SNAP25: variants seen among roughly 807,000 people sequenced by gnomAD.
SNAP25 encodes the protein synaptosome associated protein 25, also known as synaptosomal-associated protein 25.
SNAP25 carries 3 observed loss-of-function variants against 28.7 expected under a neutral mutation model. The ratio of observed to expected loss-of-function variants is 0.10; its 90% CI spans 0.05 to 0.27. The LOEUF (loss-of-function observed/expected upper bound fraction) is 0.27, where lower values mean the gene tolerates loss of function less well. Among genes scored for constraint, SNAP25 ranks in the 10% least tolerant of loss-of-function variants. The pLI is 1.00. For missense variants in SNAP25, 117 were observed against 278.7 expected, an observed-to-expected ratio of 0.42 and a Z score of 4.13; for synonymous variants, 61 against 88.1, an observed-to-expected ratio of 0.69 and a Z score of 1.72.
At chr20:10,273,897 G>A (rs565746993) in intron 1 of SNAP25, among the ~76,000 whole-genome samples, 6 of 152,206 alleles carry the variant, frequency 3.9e-5, no homozygotes, top group South Asian at 4.2e-4. Context: ...CCTTCCCTTC[G>A]ATGGCCTGGG....
intron 1 of SNAP25, among the ~76,000 whole-genome samples, chr20:10,230,111 G>C (rs979775259): frequency 5.3e-5 from 8 of 152,118 alleles, no homozygotes; most frequent in African/African-American, 1.9e-4. Context: ...CCTGCTTCCA[G>C]AAACTTGCAA....
chr20:10,300,065 C>T (rs2064198041), intron 7 of SNAP25, among the ~76,000 whole-genome samples: 1 of 151,972 alleles, frequency 6.6e-6, no homozygotes, highest in African/African-American at 2.4e-5. Context: ...TTCACATCCC[C>T]AGTTCTAAAA....
intron 1 of SNAP25, among the ~76,000 whole-genome samples, chr20:10,226,314 A>T (rs776130128): frequency 7.9e-5 from 12 of 152,186 alleles, no homozygotes; most frequent in Non-Finnish European, 1.5e-4. Flanking sequence ...GGGAAAGTCC[A>T]TTCCTAATTT....
At chr20:10,294,902 T>C (rs1207278232) in intron 5 of SNAP25, among the ~76,000 whole-genome samples, 1 of 152,246 alleles carries the variant, frequency 6.6e-6, no homozygotes, top group South Asian at 2.1e-4. Context: ...CATTTCATGA[T>C]AAATTCCAAC....
chr20:10,287,672 G>T (rs2063910041), intron 4 of SNAP25, among the ~76,000 whole-genome samples: 1 of 149,154 alleles, frequency 6.7e-6, no homozygotes, highest in African/African-American at 2.5e-5. Flanking sequence ...TATACCCAAA[G>T]GACTATAAAT....
chr20:10,265,121 TTTTGA>T (rs1214329988), intron 1 of SNAP25, among the ~76,000 whole-genome samples: 113 of 152,250 alleles, frequency 7.4e-4, no homozygotes, highest in African/African-American at 2.5e-3. Context: ...AAATATAATC[TTTTGA>T]TTTAAGTAGG....
intron 1 of SNAP25, among the ~76,000 whole-genome samples, chr20:10,247,420 C>T (rs964657867): frequency 6.6e-6 from 1 of 152,170 alleles, no homozygotes; most frequent in African/African-American, 2.4e-5. Context: ...CTTCAGTATT[C>T]CCTTTTAGAC....
At chr20:10,242,214 A>C (rs974319401) in intron 1 of SNAP25, among the ~76,000 whole-genome samples, 1 of 152,178 alleles carries the variant, frequency 6.6e-6, no homozygotes, top group Non-Finnish European at 1.5e-5. Context: ...TGAGGGGGAA[A>C]GAATGGGGCG....
At chr20:10,253,947 A>C (rs866214607) in intron 1 of SNAP25, among the ~76,000 whole-genome samples, 2 of 152,124 alleles carry the variant, frequency 1.3e-5, no homozygotes, top group African/African-American at 4.8e-5. Flanking sequence ...CCTACGCAGG[A>C]TGTGCCCTCC....
intron 5 of SNAP25, among the ~76,000 whole-genome samples, chr20:10,294,837 GA>G (rs1367941146): frequency 1.3e-5 from 2 of 149,498 alleles, no homozygotes; most frequent in African/African-American, 4.9e-5. Context: ...AGTTAGTCAA[GA>G]TTTGACTGTA....
In SNAP25 at chr20:10,306,424, C is replaced by G. The variant is rs529597023; in HGVS notation, c.*227C>G. 3.0e-5 allele frequency: 13 copies of G among 435,106 alleles called. No individual in the cohort carries two copies. In the South Asian group the frequency reaches 3.3e-4, roughly 11 times the overall value. The allele number at this position is 435,106 out of a possible 1,614,324, so 27.0% of individuals were successfully genotyped here. On this transcript the variant is annotated 3_prime_UTR_variant, in exon 8 of 8. Coordinates refer to ENST00000254976, the MANE Select transcript of SNAP25 (RefSeq NM_130811.4). The stretch of plus-strand genomic sequence containing the variant: ...TGTACATAGTGGTCATTTGGTGGCT[C>G]TAACTCCTTGAGGTCTTGAGTTTCA...
At chr20:10,264,057 C>T (rs957817032) in intron 1 of SNAP25, among the ~76,000 whole-genome samples, 2 of 152,104 alleles carry the variant, frequency 1.3e-5, no homozygotes, top group African/African-American at 4.8e-5. Flanking sequence ...TTGGCATTTT[C>T]GAAAAAGAGA....
At chr20:10,253,865 C>A (rs983537047) in intron 1 of SNAP25, among the ~76,000 whole-genome samples, 15 of 152,130 alleles carry the variant, frequency 9.9e-5, no homozygotes, top group African/African-American at 3.6e-4. Context: ...TGTTAACACC[C>A]ACAAAGGGGC....
At chr20:10,244,084 G>A (rs1243601599) in intron 1 of SNAP25, among the ~76,000 whole-genome samples, 1 of 152,120 alleles carries the variant, frequency 6.6e-6, no homozygotes, top group African/African-American at 2.4e-5. Flanking sequence ...CTGAGAAATG[G>A]GTATTGGTCA....
In SNAP25 at chr20:10,282,726, T is replaced by C. The variant is rs1008287734; in HGVS notation, c.115-1998T>C. Among the ~76,000 whole-genome samples, 3 of 152,126 alleles carry C rather than the reference T, an allele frequency of 2.0e-5. No homozygotes were observed. In the East Asian group the frequency reaches 5.8e-4, roughly 29 times the overall value. Reference sequence around the variant, plus strand: ...GATTGGGCCCTCGAGGAGAAAGTGCTCTCCGAGATGCCTCTGCCCTCAGCA... The same window carrying C: ...GATTGGGCCCTCGAGGAGAAAGTGCCCTCCGAGATGCCTCTGCCCTCAGCA... On this transcript the variant is annotated intron_variant, in intron 3 of 7. Coordinates refer to ENST00000254976, the MANE Select transcript of SNAP25 (RefSeq NM_130811.4).
chr20:10,237,738 G>A (rs564821717), intron 1 of SNAP25, among the ~76,000 whole-genome samples: 7 of 152,274 alleles, frequency 4.6e-5, no homozygotes, highest in African/African-American at 1.7e-4. Flanking sequence ...GAGGTACAAT[G>A]AGGTTAAGTA....
chr20:10,301,256 T>C (rs542753315), intron 7 of SNAP25, among the ~76,000 whole-genome samples: 5 of 152,180 alleles, frequency 3.3e-5, no homozygotes, highest in Non-Finnish European at 7.4e-5. Flanking sequence ...GACAGAGACA[T>C]ATGCAGCTAC....
chr20:10,245,213 T>C (rs1398386413), intron 1 of SNAP25, among the ~76,000 whole-genome samples: 1 of 152,234 alleles, frequency 6.6e-6, no homozygotes, highest in Non-Finnish European at 1.5e-5. Context: ...AAATTTTCTT[T>C]CAGAGAAATA....
chr20:10,240,528 G>C (rs2063008192), intron 1 of SNAP25, among the ~76,000 whole-genome samples: 1 of 152,070 alleles, frequency 6.6e-6, no homozygotes, highest in Non-Finnish European at 1.5e-5. Context: ...AGAAATGCTG[G>C]GGGTCATCTC....
Sources: allele counts gnomAD v4.1 joint callset (sites outside exome capture counted in the v4.1 genomes callset), GRCh38; gene constraint gnomAD v4.1.1; transcripts MANE v1.5; gene names NCBI Gene and HGNC (gene_info 2026-07-23, HGNC 2026-07-21).